Variants in ARID1B observed in about 807,000 individuals in gnomAD.
ARID1B encodes AT-rich interactive domain-containing protein 1B.
Under a neutral mutation model 212.3 loss-of-function variants are expected in ARID1B, and 30 were observed. The ratio of observed to expected loss-of-function variants is 0.14; its 90% confidence interval spans 0.11 to 0.19. ARID1B has a LOEUF of 0.19. Among genes scored for constraint, ARID1B ranks in the 10% least tolerant of loss-of-function variants. The pLI is 1.00. For synonymous variants in ARID1B, 1,402 were observed against 1,301.7 expected, an observed-to-expected ratio of 1.08 and a Z score of -1.66; for missense variants, 2,891 against 3,204.0, an observed-to-expected ratio of 0.90 and a Z score of 2.36.
intron 4 of ARID1B, among the ~76,000 whole-genome samples, chr6:157,008,974 G>A (rs1343149486): frequency 2.6e-5 from 4 of 152,164 alleles, no homozygotes; most frequent in Non-Finnish European, 5.9e-5. Context: ...AGACAATCTC[G>A]AAGAAGGTCA....
At chr6:157,025,016 C>G (rs2223920) in intron 4 of ARID1B, among the ~76,000 whole-genome samples, 85,826 of 152,022 alleles carry the variant, frequency 0.56, 24,604 homozygotes, top group East Asian at 0.66. Context: ...ATTTTAAGTT[C>G]ATTTGCTCGT....
intron 5 of ARID1B, among the ~76,000 whole-genome samples, chr6:157,098,638 C>A (rs1785827775): frequency 6.6e-6 from 1 of 152,196 alleles, no homozygotes; most frequent in South Asian, 2.1e-4. Flanking sequence ...GGTCATACTG[C>A]CTATTTACTA....
In ARID1B at chr6:157,184,264, A is replaced by G. The variant is rs930167292; in HGVS notation, c.3748A>G (p.Thr1250Ala). ...NKNKKWRELA[T>A]NLNVGTSSSA... ...AAACAAGAAGTGGCGTGAGCTGGCA[A>G]CCAACCTAAACGTTGGCACCTCAAG... The change falls in exon 13 of 20, where the codon ACC becomes GCC. Residue 1250 changes from threonine to alanine, a missense_variant. By Grantham distance (58) the Thr-to-Ala change is moderately conservative. This residue lies in a region of ARID1B where 666 missense variants were observed against 873.5 expected (regional missense o/e 0.76). Transcript: ENST00000636930. The G allele has an allele frequency of 3.7e-6, 6 of 1,612,348 alleles. No homozygotes were observed. Among genetic ancestry groups the G allele is most frequent in the African/African-American group, 2.7e-5 (2 of 74,870 alleles).
chr6:157,143,440 G>GA (rs1292763955), intron 7 of ARID1B, among the ~76,000 whole-genome samples: 2 of 150,284 alleles, frequency 1.3e-5, no homozygotes, highest in South Asian at 2.1e-4. Context: ...GAGTAGTTGG[G>GA]GGGGGCATGA....
At chr6:156,945,099 ATATT>A (rs1792987368) in intron 4 of ARID1B, among the ~76,000 whole-genome samples, 1 of 104,632 alleles carries the variant, frequency 9.6e-6, no homozygotes, top group Non-Finnish European at 1.9e-5. Flanking sequence ...ATTTTTTTGT[ATATT>A]TTTTTTTTTT....
At position 156,778,880 on chromosome 6, in the gene ARID1B, AGGAGGCAGC is replaced by A. The variant is rs2114988764; in HGVS notation, c.1206_1214del (p.Ser403_Gly405del). On this transcript the variant is annotated inframe_deletion, in exon 1 of 20. Coordinates refer to ENST00000636930, the MANE Select transcript of ARID1B (RefSeq NM_001374828.1). ...GCGGCGGCGGCGGCGGCGGAGGAGG[AGGAGGCAGC>A]GGAGGAGGAGGAGGAGGAGGAGGAG... is the stretch of plus-strand genomic sequence containing the variant. 7.2e-7 allele frequency: 1 copy of A among 1,385,762 alleles called. No homozygotes were observed. The highest frequency in any genetic ancestry group is 9.4e-7 in the Non-Finnish European group (1 of 1,066,112). The allele number at this position is 1,385,762 out of a possible 1,614,324, so 85.8% of individuals were successfully genotyped here. A position where few individuals can be genotyped will look rare whatever the true frequency, so the allele number is the denominator to read the frequency against.
At chr6:156,787,631 TCTAA>T (rs72098674) in intron 1 of ARID1B, among the ~76,000 whole-genome samples, 27,209 of 152,046 alleles carry the variant, frequency 0.18, 2,948 homozygotes, top group African/African-American at 0.29. Context: ...ATAAATTCAC[TCTAA>T]CTAATGAATT....
intron 2 of ARID1B, chr6:156,871,602 T>G (rs764301816): frequency 6.2e-7 from 1 of 1,610,846 alleles, no homozygotes; most frequent in South Asian, 1.1e-5. Flanking sequence ...TACTGTTTTA[T>G]CCTACTTTTA....
intron 2 of ARID1B, among the ~76,000 whole-genome samples, chr6:156,849,758 G>A (rs1455715151): frequency 6.6e-6 from 1 of 151,958 alleles, no homozygotes; most frequent in Non-Finnish European, 1.5e-5. Flanking sequence ...TGTTTTTAAA[G>A]CCCTTAAGGA....
Position 156,778,943 on chromosome 6 carries a change from TGTG to T in ARID1B, c.1265_1267del (p.Val422del). 7.9e-7 allele frequency: 1 copy of T among 1,272,020 alleles called. No homozygotes were observed. 78.8% of individuals were successfully genotyped at this position (1,272,020 alleles called of 1,614,324 possible). A position where few individuals can be genotyped will look rare whatever the true frequency, so the allele number is the denominator to read the frequency against. On this transcript the variant is annotated inframe_deletion, in exon 1 of 20. Coordinates refer to ENST00000636930, the MANE Select transcript of ARID1B (RefSeq NM_001374828.1). ...GAGCAGGAGGAGCAGGAGCGGGAGC[TGTG>T]GCGGCGGCGGCCGCGGCGGCGGCGG... is the stretch of plus-strand genomic sequence containing the variant.
chr6:157,032,063 C>CCG (rs1207009307), intron 4 of ARID1B, among the ~76,000 whole-genome samples: 1 of 152,176 alleles, frequency 6.6e-6, no homozygotes, highest in Non-Finnish European at 1.5e-5. Context: ...TGCCAAAGTG[C>CCG]CGGGATTACA....
intron 4 of ARID1B, among the ~76,000 whole-genome samples, chr6:157,084,090 C>T (rs542512424): frequency 7.9e-5 from 12 of 151,098 alleles, no homozygotes; most frequent in Admixed American, 2.0e-4. Flanking sequence ...GCCAAGATCG[C>T]GCCATTACAC....
At chr6:157,074,741 TTTATAG>T (rs1261113115) in intron 4 of ARID1B, among the ~76,000 whole-genome samples, 1 of 152,160 alleles carries the variant, frequency 6.6e-6, no homozygotes. Flanking sequence ...TTTGAGACTC[TTTATAG>T]TGGAGTGAAG....
intron 2 of ARID1B, among the ~76,000 whole-genome samples, chr6:156,858,366 A>G (rs913746810): frequency 1.3e-5 from 2 of 152,252 alleles, no homozygotes; most frequent in Non-Finnish European, 2.9e-5. Context: ...AATCACTGAA[A>G]GATTGGAACT....
Position 156,778,359 on chromosome 6 carries a change from G to C in ARID1B, c.679G>C (p.Gly227Arg), listed in dbSNP as rs1378319000. The C allele has an allele frequency of 1.8e-5, 27 of 1,539,934 alleles. No homozygotes were observed. The highest frequency in any genetic ancestry group is 2.4e-5 in the Non-Finnish European group (27 of 1,146,238). The change falls in exon 1 of 20, where the codon GGC (glycine) becomes CGC (arginine). Residue 227 changes from glycine to arginine, a missense_variant. By Grantham distance (125) the Gly-to-Arg change is moderately radical. Coordinates refer to ENST00000636930, the MANE Select transcript of ARID1B (RefSeq NM_001374828.1). ...ISNNNSLGGA[G>R]GGAPQPGPDM... Reference sequence around the variant, plus strand: ...CAACAACAACAGCTTGGGCGGCGCGGGCGGCGGCGCGCCTCAGCCCGGCCC... The same window carrying C: ...CAACAACAACAGCTTGGGCGGCGCGCGCGGCGGCGCGCCTCAGCCCGGCCC...
intron 1 of ARID1B, among the ~76,000 whole-genome samples, chr6:156,799,172 T>A (rs9372016): frequency 2.6e-5 from 4 of 151,770 alleles, no homozygotes; most frequent in African/African-American, 9.7e-5. Context: ...TACTAAGTAT[T>A]GAATAATTAA....
intron 2 of ARID1B, among the ~76,000 whole-genome samples, chr6:156,869,670 C>T (rs1407505381): frequency 6.6e-6 from 1 of 152,092 alleles, no homozygotes; most frequent in Non-Finnish European, 1.5e-5. Context: ...GTGGAAGCTA[C>T]AGGAATTAAT....
chr6:156,930,593 A>G (rs569364403), intron 3 of ARID1B, among the ~76,000 whole-genome samples: 19 of 152,240 alleles, frequency 1.2e-4, no homozygotes, highest in Non-Finnish European at 2.5e-4. Context: ...ATATATGCGT[A>G]AGGATGCTTA....
intron 5 of ARID1B, among the ~76,000 whole-genome samples, chr6:157,090,915 T>A (rs1785237744): frequency 6.6e-6 from 1 of 152,004 alleles, no homozygotes; most frequent in African/African-American, 2.4e-5. Flanking sequence ...TTCACCCTAC[T>A]CCAGTGATCA....
Sources: allele counts gnomAD v4.1 joint callset (sites outside exome capture counted in the v4.1 genomes callset), GRCh38; gene constraint gnomAD v4.1.1; regional missense constraint gnomAD v4.1.1; transcripts MANE v1.5; gene names NCBI Gene and HGNC (gene_info 2026-07-23, HGNC 2026-07-21).